Variants in ZSWIM2 observed in about 807,000 individuals in gnomAD.
ZSWIM2 encodes zinc finger SWIM-type containing 2.
A neutral mutation model predicts 48.4 loss-of-function variants in ZSWIM2; 38 were observed. The observed-to-expected ratio is 0.79, with a 90% CI of 0.61 to 1.03. ZSWIM2 has a LOEUF of 1.03. Ranked by LOEUF, ZSWIM2 falls within the 50% of genes least tolerant of loss-of-function variation. The pLI, the probability that ZSWIM2 is intolerant of heterozygous loss-of-function variation, is 0.00. For missense variants in ZSWIM2, 776 were observed against 730.2 expected (o/e 1.06, Z -0.72); for synonymous variants, 240 against 251.3 (o/e 0.96, Z 0.42).
intron 7 of ZSWIM2, among the ~76,000 whole-genome samples, chr2:186,831,256 A>G (rs2105816039): frequency 6.6e-6 from 1 of 152,108 alleles, no homozygotes; most frequent in African/African-American, 2.4e-5. Flanking sequence ...TACGCCCCAC[A>G]AGAGCTCTGG....
rs747685022 is a variant in ZSWIM2, at chr2:186,847,718, C to A, written c.242+1G>T. On this transcript the variant is annotated splice_donor_variant, in intron 2 of 8. Transcript: ENST00000295131. LOFTEE classifies it high-confidence loss of function. ...AGATCTTCATTTGAAAAGTCACTTA[C>A]CAGCAGATATGCTTACAAAGTTCCC... 1 of 1,598,956 alleles carries A rather than the reference C, an allele frequency of 6.3e-7. No homozygotes were observed. Among genetic ancestry groups the A allele is most frequent in the Non-Finnish European group, 8.5e-7 (1 of 1,171,582 alleles).
Position 186,833,932 on chromosome 2 carries a change from G to T in ZSWIM2, c.828+14C>A. The T allele has an allele frequency of 1.2e-6, 2 of 1,601,214 alleles. No individual in the cohort carries two copies. The highest frequency in any genetic ancestry group is 8.6e-7 in the Non-Finnish European group (1 of 1,169,290). On this transcript the variant is annotated intron_variant, in intron 6 of 8. Transcript: ENST00000295131. ...AATAGAAACACTGTATTAGATTCAA[G>T]ATGGATACTGTACCTCACGAAATGT... is the stretch of plus-strand genomic sequence containing the variant.
chr2:186,830,982 G>A (rs1010202330), intron 7 of ZSWIM2, among the ~76,000 whole-genome samples: 1 of 151,752 alleles, frequency 6.6e-6, no homozygotes, highest in African/African-American at 2.4e-5. Flanking sequence ...CTTTTACCAG[G>A]GTCCTCTAAT....
rs1013104415 is a variant in ZSWIM2, at chr2:186,838,766, TTATAA to T, written c.494+188_494+192del. 5.7e-4 allele frequency among the ~76,000 whole-genome samples: 83 copies of T among 145,940 alleles called. 1 individual carries two copies. Among genetic ancestry groups the T allele is most frequent in the African/African-American group, 1.4e-3 (57 of 39,964 alleles). ...GATATTATATTTATATTGTAATATA[TTATAA>T]TATATTTATATTATATATATTATAT... On this transcript the variant is annotated intron_variant, in intron 4 of 8. Coordinates refer to ENST00000295131, the MANE Select transcript of ZSWIM2 (RefSeq NM_182521.3).
intron 2 of ZSWIM2, among the ~76,000 whole-genome samples, chr2:186,846,261 A>G (rs937186498): frequency 6.6e-6 from 1 of 152,004 alleles, no homozygotes; most frequent in South Asian, 2.1e-4. Context: ...TCCTGAATCT[A>G]TAAGGAACTG....
chr2:186,827,989 A>AT lies in ZSWIM2; in HGVS notation c.1896dup (p.Leu633IlefsTer8). On this transcript the variant is annotated frameshift_variant, in exon 9 of 9. Coordinates refer to ENST00000295131, the MANE Select transcript of ZSWIM2 (RefSeq NM_182521.3). LOFTEE classifies it high-confidence loss of function. ...TTTTCAGATAGTAAACTTTTTCACA[A>AT]TTGAACTCCTTCTATTATTAAAGAT... 6.4e-7 allele frequency: 1 copy of AT among 1,564,906 alleles called. No homozygotes were observed. The highest frequency in any genetic ancestry group is 8.6e-7 in the Non-Finnish European group (1 of 1,160,088).
intron 5 of ZSWIM2, among the ~76,000 whole-genome samples, chr2:186,837,003 T>C (rs10196724): frequency 0.013 from 1,908 of 152,192 alleles, 38 homozygotes; most frequent in African/African-American, 0.043. Flanking sequence ...GAAACCTATG[T>C]AGGCTAAAGC....
intron 5 of ZSWIM2, among the ~76,000 whole-genome samples, chr2:186,835,812 G>A (rs1691783474): frequency 6.6e-6 from 1 of 152,174 alleles, no homozygotes; most frequent in South Asian, 2.1e-4. Flanking sequence ...CATTGAAAAT[G>A]CATTCTTTAA....
At chr2:186,847,854 C>A (rs1271199376) in intron 1 of ZSWIM2, 59 bp from the exon 2 acceptor site, 2 of 1,264,208 alleles carry the variant, frequency 1.6e-6, no homozygotes, top group East Asian at 4.7e-5. Flanking sequence ...TAGAGCAAAA[C>A]TGAGTTAATA....
chr2:186,828,693 G>A lies in ZSWIM2; in HGVS notation c.1193C>T (p.Ser398Leu), dbSNP rs756753210. 3 of 1,612,926 alleles carry A rather than the reference G, an allele frequency of 1.9e-6. No individual in the cohort carries two copies. Among genetic ancestry groups the A allele is most frequent in the South Asian group, 2.2e-5 (2 of 90,986 alleles). ...CTGATGTGCTTGTCCATTCACTGCT[G>A]AATTTTTCCAAGTTAAAGGGTTATA... is the stretch of plus-strand genomic sequence containing the variant. ...VIYNPLTWKN[S>L]AVNGQAHQSV... The change falls in exon 9 of 9, where the codon TCA becomes TTA. Residue 398 changes from serine (S) to leucine (L), a missense_variant. By Grantham distance (145) the Ser-to-Leu change is moderately radical. Transcript: ENST00000295131.
intron 2 of ZSWIM2, among the ~76,000 whole-genome samples, chr2:186,846,786 CATAT>C (rs746197579): frequency 1.9e-5 from 2 of 106,262 alleles, no homozygotes; most frequent in African/African-American, 6.7e-5. Flanking sequence ...TGTGTATAAA[CATAT>C]ATATATACAC....
At chr2:186,848,774 T>C in intron 1 of ZSWIM2, 192 bp downstream of exon 1, 1 of 666,394 alleles carries the variant, frequency 1.5e-6, no homozygotes, top group Non-Finnish European at 2.5e-6. Flanking sequence ...AAGAAACTTC[T>C]AATAAATACT....
chr2:186,847,855 T>C (rs1045401578), intron 1 of ZSWIM2, 60 bp from the exon 2 acceptor site: 202 of 1,254,234 alleles, frequency 1.6e-4, no homozygotes, highest in Non-Finnish European at 2.1e-4. Flanking sequence ...AGAGCAAAAC[T>C]GAGTTAATAA....
At chr2:186,835,882 G>A (rs1435376024) in intron 5 of ZSWIM2, among the ~76,000 whole-genome samples, 1 of 152,280 alleles carries the variant, frequency 6.6e-6, no homozygotes, top group Non-Finnish European at 1.5e-5. Flanking sequence ...TAGAGGAGAA[G>A]TTATGAGACA....
intron 5 of ZSWIM2, among the ~76,000 whole-genome samples, 155 bp from the exon 6 acceptor site, chr2:186,834,185 G>A (rs1691752496): frequency 6.6e-6 from 1 of 152,172 alleles, no homozygotes; most frequent in Non-Finnish European, 1.5e-5. Context: ...TGTTGCTGCT[G>A]TAAAAATTTA....
In ZSWIM2 at chr2:186,846,098, A is replaced by G. The variant is rs1245461702; in HGVS notation, c.243-1341T>C. 2.0e-5 allele frequency among the ~76,000 whole-genome samples: 3 copies of G among 151,960 alleles called. No individual in the cohort carries two copies. The East Asian group carries it at 5.8e-4, about 29-fold the overall frequency. On this transcript the variant is annotated intron_variant, in intron 2 of 8. Transcript: ENST00000295131. Reference sequence around the variant, plus strand: ...GCAAAGAATTTATGATCAAGTCTTCATAAGAAAATGCAACAAAAAGAAAAA... The same window carrying G: ...GCAAAGAATTTATGATCAAGTCTTCGTAAGAAAATGCAACAAAAAGAAAAA...
At chr2:186,841,512 A>G (rs1274643088) in intron 3 of ZSWIM2, among the ~76,000 whole-genome samples, 1 of 151,398 alleles carries the variant, frequency 6.6e-6, no homozygotes, top group East Asian at 1.9e-4. Context: ...ACATAAAAAT[A>G]TTAACACTTC....
At position 186,847,716 on chromosome 2, in the gene ZSWIM2, T is replaced by G. The variant is rs1451397484; in HGVS notation, c.242+3A>C. ...GAAGATCTTCATTTGAAAAGTCACTTACCAGCAGATATGCTTACAAAGTTC... is the reference window on the plus strand; with the variant it reads ...GAAGATCTTCATTTGAAAAGTCACTGACCAGCAGATATGCTTACAAAGTTC... On this transcript the variant is annotated splice_donor_region_variant and intron_variant, in intron 2 of 8. Transcript: ENST00000295131. 2.5e-6 allele frequency: 4 copies of G among 1,598,920 alleles called. No individual in the cohort carries two copies. In the East Asian group the frequency reaches 9.0e-5, roughly 36 times the overall value.
chr2:186,837,363 T>C lies in ZSWIM2; in HGVS notation c.686A>G (p.His229Arg). ...GCAGTTATTACAGGGAATCCCAAGG[T>C]GTTTGTCCAGTCTCTCTTTTTCTGC... ...AAAEKERLDK[H>R]LGIPCNNCKQ... is the part of the protein sequence containing the mutation. The change falls in exon 5 of 9, where the codon CAC (histidine) becomes CGC (arginine). Residue 229 changes from histidine to arginine, a missense_variant. Physicochemically the swap from His to Arg is conservative, Grantham distance 29 (BLOSUM62 0). Coordinates refer to ENST00000295131, the MANE Select transcript of ZSWIM2 (RefSeq NM_182521.3). The C allele has an allele frequency of 6.2e-7, 1 of 1,612,976 alleles. No individual in the cohort carries two copies. Among genetic ancestry groups the C allele is most frequent in the South Asian group, 1.1e-5 (1 of 91,060 alleles).
Sources: allele counts gnomAD v4.1 joint callset (sites outside exome capture counted in the v4.1 genomes callset), GRCh38; gene constraint gnomAD v4.1.1; transcripts MANE v1.5; gene names NCBI Gene and HGNC (gene_info 2026-07-23, HGNC 2026-07-21).